GOLGA3: variants seen among roughly 807,000 people sequenced by gnomAD.
GOLGA3 encodes the protein golgin subfamily A member 3.
GOLGA3 carries 75 observed loss-of-function variants against 169.4 expected under a neutral mutation model. The ratio of observed to expected loss-of-function variants is 0.44; its 90% CI spans 0.37 to 0.54. The LOEUF is 0.54. GOLGA3 is among the 20% of genes least tolerant of loss of function. The pLI is 0.00. For missense variants in GOLGA3, 1,899 were observed against 1,930.0 expected, an observed-to-expected ratio of 0.98 and a Z score of 0.30; for synonymous variants, 824 against 822.4, an observed-to-expected ratio of 1.00 and a Z score of -0.03.
intron 1 of GOLGA3, chr12:132,825,825 T>C: frequency 9.0e-7 from 1 of 1,109,250 alleles, no homozygotes; most frequent in South Asian, 1.2e-5. Context: ...AACATTGGTC[T>C]GGGCTTCAAG....
At position 132,772,745 on chromosome 12, in the gene GOLGA3, C is replaced by T. The variant is rs1221155045; in HGVS notation, c.*360G>A. On this transcript the variant is annotated 3_prime_UTR_variant, in exon 24 of 24. Coordinates refer to ENST00000450791, the MANE Select transcript of GOLGA3 (RefSeq NM_001389683.1). ...CAGCCGGCCTGGCCAGGCGCGGTGC[C>T]GCAGACCCTGTCACACAGCTGCTCC... is the stretch of plus-strand genomic sequence containing the variant. 2.6e-5 allele frequency: 5 copies of T among 190,664 alleles called. No individual in the cohort carries two copies. Among genetic ancestry groups the T allele is most frequent in the Admixed American group, 1.8e-4 (3 of 16,986 alleles). The allele number at this position is 190,664 out of a possible 1,614,324, so 11.8% of individuals were successfully genotyped here.
chr12:132,784,327 G>A lies in GOLGA3; in HGVS notation c.3124-20C>T, dbSNP rs773137408. On this transcript the variant is annotated intron_variant, in intron 15 of 23. Transcript: ENST00000450791. ...CCTTTCCTAAGGGCCAAGATGGAAC[G>A]GGCGCTTGGTCATGGGACAGGCCCT... The A allele has an allele frequency of 1.6e-5, 26 of 1,595,306 alleles. No individual in the cohort carries two copies. In the Admixed American group the frequency reaches 1.8e-4, roughly 11 times the overall value.
rs541042002 is a variant in GOLGA3 at position 132,824,392 on chromosome 12, T to C, written c.-183-2081A>G. 1.1e-3 allele frequency among the ~76,000 whole-genome samples: 174 copies of C among 152,340 alleles called. 2 individuals are homozygous for C. The highest frequency in any genetic ancestry group is 3.9e-3 in the African/African-American group (162 of 41,582). On this transcript the variant is annotated intron_variant, in intron 1 of 23. Transcript: ENST00000450791. ...AGACAGTTATGAGTTCATAACAGTG[T>C]TGTTCAGAATATTAAAAGGTTACGT...
chr12:132,806,333 C>A (rs1313041443), intron 6 of GOLGA3, among the ~76,000 whole-genome samples: 4 of 152,194 alleles, frequency 2.6e-5, no homozygotes, highest in Non-Finnish European at 5.9e-5. Flanking sequence ...ATGCATCCGA[C>A]GGAGGGAGGC....
chr12:132,793,965 G>A (rs1325744552), intron 11 of GOLGA3, among the ~76,000 whole-genome samples: 1 of 152,218 alleles, frequency 6.6e-6, no homozygotes, highest in African/African-American at 2.4e-5. Context: ...GTTATCACTA[G>A]AGCATGACTG....
At chr12:132,819,754 G>T (rs1950134313) in intron 2 of GOLGA3, among the ~76,000 whole-genome samples, 1 of 150,608 alleles carries the variant, frequency 6.6e-6, no homozygotes, top group South Asian at 2.1e-4. Flanking sequence ...AAGTTACTGG[G>T]TTAGGCCGGG....
rs561227060 is a variant in GOLGA3, at chr12:132,812,606, CT to C, written c.519+700del. 2.4e-4 allele frequency among the ~76,000 whole-genome samples: 37 copies of C among 152,280 alleles called. 1 individual carries two copies. In the South Asian group the frequency reaches 3.9e-3, roughly 16 times the overall value. On this transcript the variant is annotated intron_variant, in intron 4 of 23. Transcript: ENST00000450791. ...ACGGACAGCGTTGAGGGATTCAGTG[CT>C]TCCGTGGAGAACTTGACTGCAGATG...
In GOLGA3 at chr12:132,798,343, A is replaced by T. The variant is rs773176812; in HGVS notation, c.1935T>A (p.Ile645=). The change falls in exon 9 of 24, where the codon ATT becomes ATA. Residue 645 remains isoleucine (I), a synonymous_variant. Coordinates refer to ENST00000450791, the MANE Select transcript of GOLGA3 (RefSeq NM_001389683.1). ...KGRIAAQLQG[I]EADMLDQEAA... is the part of the protein sequence containing the mutation. Reference sequence around the variant, plus strand: ...ACGGCCCCGGCCGCAGCCTCACCTCAATGCCCTGCAGCTGTGCCGCGATGC... The same window carrying T: ...ACGGCCCCGGCCGCAGCCTCACCTCTATGCCCTGCAGCTGTGCCGCGATGC... 5.6e-6 allele frequency: 9 copies of T among 1,607,718 alleles called. No homozygotes were observed. The highest frequency in any genetic ancestry group is 2.7e-5 in the African/African-American group (2 of 74,440).
chr12:132,768,970 C>T lies in GOLGA3; in HGVS notation c.*4135G>A, dbSNP rs1235127879. 6.6e-6 allele frequency: 1 copy of T among 152,640 alleles called. No homozygotes were observed. The highest frequency in any genetic ancestry group is 1.5e-5 in the Non-Finnish European group (1 of 68,038). 9.5% of individuals were successfully genotyped at this position (152,640 alleles called of 1,614,324 possible). A position where few individuals can be genotyped will look rare whatever the true frequency, so the allele number is the denominator to read the frequency against. ...TTTAAGGAATTCCCAAGCACACTTA[C>T]ATTTGTAAAAAATCAACGTGCTTTT... On this transcript the variant is annotated 3_prime_UTR_variant, in exon 24 of 24. Transcript: ENST00000450791.
At chr12:132,785,913 C>T (rs572946500) in intron 15 of GOLGA3, among the ~76,000 whole-genome samples, 15 of 152,332 alleles carry the variant, frequency 9.8e-5, no homozygotes, top group African/African-American at 3.4e-4. Context: ...TACCTCTAAA[C>T]GCTCCCTGAA....
chr12:132,819,407 T>G (rs111506895), intron 2 of GOLGA3, among the ~76,000 whole-genome samples: 2 of 152,144 alleles, frequency 1.3e-5, no homozygotes, highest in Non-Finnish European at 1.5e-5. Context: ...CGGGCGCCTA[T>G]AGTCCCAGCT....
chr12:132,810,584 G>A (rs1426030253), intron 4 of GOLGA3, among the ~76,000 whole-genome samples: 6 of 148,902 alleles, frequency 4.0e-5, no homozygotes, highest in Non-Finnish European at 7.5e-5. Context: ...TAGGAGCTGA[G>A]GGGACACAGT....
intron 7 of GOLGA3, among the ~76,000 whole-genome samples, chr12:132,802,853 C>T (rs995110559): frequency 9.9e-5 from 15 of 151,872 alleles, no homozygotes; most frequent in African/African-American, 3.1e-4. Context: ...GTTGGGAGTT[C>T]GAGACCAGCC....
At position 132,806,013 on chromosome 12, in the gene GOLGA3, G is replaced by C. The variant is rs58555690; in HGVS notation, c.1291-991C>G. 2.8e-4 allele frequency among the ~76,000 whole-genome samples: 42 copies of C among 152,338 alleles called. No individual in the cohort carries two copies. In the East Asian group the frequency reaches 7.9e-3, roughly 29 times the overall value. Reference sequence around the variant, plus strand: ...TCCTGAGTGGCCACCGCAGTGCTGTGTGGTCCCAGGAGCAGCAGAGAATCG... The same window carrying C: ...TCCTGAGTGGCCACCGCAGTGCTGTCTGGTCCCAGGAGCAGCAGAGAATCG... On this transcript the variant is annotated intron_variant, in intron 6 of 23. Transcript: ENST00000450791.
chr12:132,820,424 T>C (rs1344847489), intron 2 of GOLGA3, among the ~76,000 whole-genome samples: 2 of 152,236 alleles, frequency 1.3e-5, no homozygotes, highest in Non-Finnish European at 2.9e-5. Flanking sequence ...ACATTGCTCC[T>C]GAGCAGCAGA....
intron 1 of GOLGA3, 177 bp downstream of exon 1, chr12:132,828,626 G>A (rs1950522963): frequency 6.6e-6 from 1 of 152,324 alleles, no homozygotes; most frequent in Non-Finnish European, 1.5e-5. Flanking sequence ...CGGGCGCCCA[G>A]GCCCGAGGCC....
At chr12:132,817,163 C>T (rs1949996056) in intron 2 of GOLGA3, among the ~76,000 whole-genome samples, 1 of 148,560 alleles carries the variant, frequency 6.7e-6, no homozygotes, top group Non-Finnish European at 1.5e-5. Context: ...TCCACTCCTC[C>T]ACGCTCTAAG....
chr12:132,777,703 G>C lies in GOLGA3; in HGVS notation c.3685C>G (p.Leu1229Val). The change falls in exon 19 of 24, where the codon CTG (leucine) becomes GTG (valine). Residue 1229 changes from leucine to valine, a missense_variant. By Grantham distance (32) the Leu-to-Val change is conservative. Transcript: ENST00000450791. This position sits in a 1 kb window ranked among gnomAD's most constrained non-coding sequence, Gnocchi z 4.7. ...VKKELQAKEHLVQKLQAEADD... is the reference protein window; with the variant it reads ...VKKELQAKEHVVQKLQAEADD... ...GCCTCGGCCTGCAGCTTCTGCACCA[G>C]GTGTTCCTTGGCCTGCAGCTCCTTC... is the stretch of plus-strand genomic sequence containing the variant. The C allele has an allele frequency of 6.2e-7, 1 of 1,614,102 alleles. No homozygotes were observed. Among genetic ancestry groups the C allele is most frequent in the Non-Finnish European group, 8.5e-7 (1 of 1,180,016 alleles).
At position 132,770,191 on chromosome 12, in the gene GOLGA3, C is replaced by T. The variant is rs1283797464; in HGVS notation, c.*2914G>A. 3 of 151,256 alleles carry T rather than the reference C, an allele frequency of 2.0e-5. No homozygotes were observed. Among genetic ancestry groups the T allele is most frequent in the Non-Finnish European group, 4.4e-5 (3 of 67,942 alleles). 9.4% of individuals were successfully genotyped at this position (151,256 alleles called of 1,614,324 possible). A position where few individuals can be genotyped will look rare whatever the true frequency, so the allele number is the denominator to read the frequency against. On this transcript the variant is annotated 3_prime_UTR_variant, in exon 24 of 24. Coordinates refer to ENST00000450791, the MANE Select transcript of GOLGA3 (RefSeq NM_001389683.1). ...GAGCTTGCAGTGAGCAGAGATCACG[C>T]CACTGCACTCCAGCCTGGGCGACAG...
Sources: allele counts gnomAD v4.1 joint callset (sites outside exome capture counted in the v4.1 genomes callset), GRCh38; gene constraint gnomAD v4.1.1; non-coding constraint Gnocchi (gnomAD v3.1); transcripts MANE v1.5; gene names NCBI Gene and HGNC (gene_info 2026-07-23, HGNC 2026-07-21).